COL10A1: variants seen among roughly 807,000 people sequenced by gnomAD.
COL10A1 encodes the protein collagen alpha-1(X) chain.
Under a neutral mutation model 18.2 loss-of-function variants are expected in COL10A1, and 10 were observed. The observed-to-expected ratio is 0.55, with a 90% CI of 0.34 to 0.93. The LOEUF is 0.93. Among genes scored for constraint, COL10A1 ranks in the 40% least tolerant of loss-of-function variants. The probability of loss-of-function intolerance (pLI) is 0.02; values close to 1 mark genes in which losing one functional copy is unlikely to be tolerated. For missense variants in COL10A1, 897 were observed against 853.5 expected, an observed-to-expected ratio of 1.05 and a Z score of -0.64; for synonymous variants, 330 against 316.6, an observed-to-expected ratio of 1.04 and a Z score of -0.45.
chr6:116,197,708 C>T, the COL10A1 span, among the ~76,000 whole-genome samples: 2 of 152,024 alleles, frequency 1.3e-5, no homozygotes, highest in Admixed American at 1.3e-4. Flanking sequence ...TGAAAATAAA[C>T]TTGATAATGG....
At chr6:116,175,415 G>A in the COL10A1 span, among the ~76,000 whole-genome samples, 4 of 152,110 alleles carry the variant, frequency 2.6e-5, no homozygotes, top group African/African-American at 9.7e-5. Flanking sequence ...AGTAGGCGGA[G>A]TATTTATCTC....
At chr6:116,168,735 G>T in the COL10A1 span, among the ~76,000 whole-genome samples, 2 of 151,886 alleles carry the variant, frequency 1.3e-5, no homozygotes, top group African/African-American at 4.8e-5. Flanking sequence ...TTGAGGTCTG[G>T]ATTACTTTCT....
At chr6:116,142,625 G>A (rs971888939) in intron 1 of COL10A1, among the ~76,000 whole-genome samples, 3 of 152,152 alleles carry the variant, frequency 2.0e-5, no homozygotes, top group African/African-American at 7.2e-5. Flanking sequence ...TGTCTTCAGC[G>A]AGCTGGGCAT....
the COL10A1 span, among the ~76,000 whole-genome samples, chr6:116,179,577 C>T: frequency 6.6e-6 from 1 of 152,042 alleles, no homozygotes; most frequent in Non-Finnish European, 1.5e-5. Context: ...AAATCAAAAC[C>T]ACAAAGACCT....
rs1271578078 is a variant in COL10A1, at chr6:116,121,567, A to G, written c.549T>C (p.Gly183=). The G allele has an allele frequency of 6.2e-7, 1 of 1,613,662 alleles. No homozygotes were observed. ...CCATTTCCCCTTTCTGTCCATTCAT[A>G]CCAGGGACTCCTGGTGCACCCTTTT... ...PGEKGAPGVP[G]MNGQKGEMGY... Residue 183 remains glycine (G), a synonymous_variant, in exon 3 of 3, where the codon GGT becomes GGC. Coordinates refer to ENST00000651968, the MANE Select transcript of COL10A1 (RefSeq NM_000493.4).
At chr6:116,139,452 T>G (rs949831853) in intron 1 of COL10A1, among the ~76,000 whole-genome samples, 3 of 152,166 alleles carry the variant, frequency 2.0e-5, no homozygotes, top group African/African-American at 7.2e-5. Context: ...TTTTTAACTT[T>G]CAGTGTCGAT....
At chr6:116,199,775 A>G in the COL10A1 span, among the ~76,000 whole-genome samples, 1 of 152,094 alleles carries the variant, frequency 6.6e-6, no homozygotes, top group African/African-American at 2.4e-5. Context: ...TAAATAAAGT[A>G]GTATGGAATT....
the COL10A1 span, among the ~76,000 whole-genome samples, chr6:116,164,281 G>A: frequency 1.3e-5 from 2 of 152,128 alleles, no homozygotes; most frequent in African/African-American, 4.8e-5. Context: ...GTTGGGTAAT[G>A]TATATATTTA....
At position 116,120,110 on chromosome 6, in the gene COL10A1, T is replaced by C. The variant is rs1779063821; in HGVS notation, c.2006A>G (p.His669Arg). Residue 669 changes from histidine (H) to arginine (R), a missense_variant, in exon 3 of 3, where the codon CAC becomes CGC. His to Arg is a conservative substitution (Grantham distance 29). Coordinates refer to ENST00000651968, the MANE Select transcript of COL10A1 (RefSeq NM_000493.4). ...SNGLYSSEYVHSSFSGFLVAP... is the reference protein window; with the variant it reads ...SNGLYSSEYVRSSFSGFLVAP... ...CACTAGGAATCCTGAGAAAGAGGAG[T>C]GGACATACTCAGAGGAGTATAGGCC... 3 of 1,613,938 alleles carry C rather than the reference T, an allele frequency of 1.9e-6. No individual in the cohort carries two copies. Among genetic ancestry groups the C allele is most frequent in the Non-Finnish European group, 2.5e-6 (3 of 1,179,986 alleles).
At chr6:116,193,310 A>C in the COL10A1 span, among the ~76,000 whole-genome samples, 1 of 152,202 alleles carries the variant, frequency 6.6e-6, no homozygotes, top group South Asian at 2.1e-4. Context: ...TGATAACAAA[A>C]CCTATAAATA....
At chr6:116,202,337 A>G in the COL10A1 span, among the ~76,000 whole-genome samples, 1 of 151,944 alleles carries the variant, frequency 6.6e-6, no homozygotes. Context: ...GTTCCTTCTC[A>G]ATTTTGGCCC....
chr6:116,162,971 C>G, upstream of COL10A1, among the ~76,000 whole-genome samples: 1 of 151,500 alleles, frequency 6.6e-6, no homozygotes, highest in East Asian at 1.9e-4. Flanking sequence ...ACTAAATATA[C>G]AAAAAATTAG....
chr6:116,213,709 A>G, the COL10A1 span, among the ~76,000 whole-genome samples: 2 of 152,072 alleles, frequency 1.3e-5, no homozygotes, highest in African/African-American at 4.8e-5. Flanking sequence ...CCCTTCAATT[A>G]TAATGAGCTA....
chr6:116,172,129 C>T, the COL10A1 span, among the ~76,000 whole-genome samples: 3 of 152,084 alleles, frequency 2.0e-5, no homozygotes, highest in Admixed American at 6.5e-5. Context: ...CATTTCCTAA[C>T]CTGTTGTAAA....
At chr6:116,124,059 A>C (rs1189603853) in intron 2 of COL10A1, among the ~76,000 whole-genome samples, 2 of 152,012 alleles carry the variant, frequency 1.3e-5, no homozygotes, top group East Asian at 3.8e-4. Flanking sequence ...CTAGCCTTTA[A>C]ATTTTAAAAT....
At chr6:116,123,915 T>A (rs909739354) in intron 2 of COL10A1, among the ~76,000 whole-genome samples, 1 of 152,240 alleles carries the variant, frequency 6.6e-6, no homozygotes, top group African/African-American at 2.4e-5. Context: ...TATGCTCTTA[T>A]TAAGGTGTTA....
At chr6:116,132,336 T>C (rs1312061510) in intron 1 of COL10A1, among the ~76,000 whole-genome samples, 1 of 152,192 alleles carries the variant, frequency 6.6e-6, no homozygotes, top group East Asian at 1.9e-4. Context: ...AAAGCATGGT[T>C]GAGTATCTTT....
At chr6:116,130,363 G>A (rs114068999), upstream of COL10A1, among the ~76,000 whole-genome samples, 297 of 152,124 alleles carry the variant, frequency 2.0e-3, 1 homozygote, top group African/African-American at 6.8e-3. Context: ...TCTTACTATT[G>A]TTCAGAATTT....
At chr6:116,153,986 C>G (rs1166246025) in intron 1 of COL10A1, among the ~76,000 whole-genome samples, 3 of 146,680 alleles carry the variant, frequency 2.0e-5, no homozygotes, top group Non-Finnish European at 3.0e-5. Context: ...CATGGTTCAT[C>G]TTTGAAAATA....
Sources: allele counts gnomAD v4.1 joint callset (sites outside exome capture counted in the v4.1 genomes callset), GRCh38; gene constraint gnomAD v4.1.1; transcripts MANE v1.5; gene names NCBI Gene and HGNC (gene_info 2026-07-23, HGNC 2026-07-21).